Variants in FAF1 observed in about 807,000 individuals in gnomAD.
FAF1 encodes Fas associated factor 1, also known as FAS-associated factor 1.
A neutral mutation model predicts 92.5 loss-of-function variants in FAF1; 25 were observed. The ratio of observed to expected loss-of-function variants is 0.27; its 90% CI spans 0.20 to 0.38. The LOEUF (loss-of-function observed/expected upper bound fraction) is 0.38, where lower values mean the gene tolerates loss of function less well. FAF1 is among the 10% of genes least tolerant of loss of function. The pLI is 1.00. For missense variants in FAF1, 636 were observed against 793.3 expected (o/e 0.80, Z 2.38); for synonymous variants, 234 against 273.2 (o/e 0.86, Z 1.42).
intron 1 of FAF1, among the ~76,000 whole-genome samples, chr1:50,884,093 C>T (rs144558935): frequency 6.6e-6 from 1 of 152,080 alleles, no homozygotes; most frequent in Non-Finnish European, 1.5e-5. Flanking sequence ...CCACTGCACT[C>T]CAGCCTGGGC....
chr1:50,907,751 C>A (rs566533941), intron 1 of FAF1, among the ~76,000 whole-genome samples: 99 of 152,072 alleles, frequency 6.5e-4, no homozygotes, highest in Admixed American at 1.0e-3. Context: ...TTTATTGCAT[C>A]TATTTGATTC....
At chr1:50,487,547 C>T (rs1404551231) in intron 17 of FAF1, among the ~76,000 whole-genome samples, 4 of 152,068 alleles carry the variant, frequency 2.6e-5, no homozygotes, top group Non-Finnish European at 5.9e-5. Context: ...GAGATCTTTG[C>T]TGTTGTTTTT....
chr1:50,623,639 C>T (rs900215373), intron 8 of FAF1, among the ~76,000 whole-genome samples: 1 of 150,884 alleles, frequency 6.6e-6, no homozygotes, highest in Admixed American at 6.6e-5. Flanking sequence ...AAAAATTCCT[C>T]ATAAACCAGA....
At chr1:50,922,818 C>CAA (rs754253837) in intron 1 of FAF1, among the ~76,000 whole-genome samples, 221 of 56,582 alleles carry the variant, frequency 3.9e-3, no homozygotes, top group Middle Eastern at 0.012. Flanking sequence ...GAATCCACCA[C>CAA]AAAAAAAAAA....
intron 4 of FAF1, among the ~76,000 whole-genome samples, chr1:50,782,508 T>C (rs1661214324): frequency 6.6e-6 from 1 of 152,132 alleles, no homozygotes; most frequent in African/African-American, 2.4e-5. Context: ...CAATGTGTGT[T>C]CTCAGCAAGG....
chr1:50,660,546 GAGTGC>G (rs1321770664), intron 7 of FAF1, among the ~76,000 whole-genome samples: 1 of 151,428 alleles, frequency 6.6e-6, no homozygotes, highest in Non-Finnish European at 1.5e-5. Flanking sequence ...GCCCAGGCCA[GAGTGC>G]AGTAGGTTCT....
chr1:50,553,714 G>C (rs1423749603), intron 13 of FAF1, among the ~76,000 whole-genome samples: 1 of 152,030 alleles, frequency 6.6e-6, no homozygotes, highest in African/African-American at 2.4e-5. Flanking sequence ...AATTATATTT[G>C]GTAGGAAGAG....
chr1:50,785,132 C>CAA (rs748061344), intron 4 of FAF1, among the ~76,000 whole-genome samples: 2,327 of 57,290 alleles, frequency 0.041, 133 homozygotes, highest in African/African-American at 0.088. Flanking sequence ...GACCCTATCT[C>CAA]AAAAAAAAAA....
chr1:50,921,534 C>T (rs534877147), intron 1 of FAF1, among the ~76,000 whole-genome samples: 3 of 151,698 alleles, frequency 2.0e-5, no homozygotes, highest in Non-Finnish European at 4.4e-5. Flanking sequence ...AGTCAACAAG[C>T]GCAGATCATT....
Position 50,846,720 on chromosome 1 carries a change from G to A in FAF1, c.114+11209C>T, listed in dbSNP as rs559157021. The A allele has an allele frequency of 1.4e-4, 87 of 632,602 alleles. 1 individual carries two copies. The highest frequency in any genetic ancestry group is 1.0e-3 in the Middle Eastern group (3 of 2,984). 39.2% of individuals were successfully genotyped at this position (632,602 alleles called of 1,614,324 possible). A position where few individuals can be genotyped will look rare whatever the true frequency, so the allele number is the denominator to read the frequency against. ...AGCATGATGGAGCACTTCTCCAAAC[G>A]TAGATGTGATTAGACCGAATATTGT... On this transcript the variant is annotated intron_variant, in intron 2 of 18. Coordinates refer to ENST00000396153, the MANE Select transcript of FAF1 (RefSeq NM_007051.3).
chr1:50,537,134 T>A (rs914659047), intron 14 of FAF1, among the ~76,000 whole-genome samples: 1 of 152,158 alleles, frequency 6.6e-6, no homozygotes, highest in Admixed American at 6.6e-5. Flanking sequence ...GGTTTCTATG[T>A]TTTATTTAAA....
At chr1:50,716,412 A>T (rs1281194733) in intron 6 of FAF1, among the ~76,000 whole-genome samples, 1 of 152,190 alleles carries the variant, frequency 6.6e-6, no homozygotes, top group African/African-American at 2.4e-5. Context: ...AAATTAAACA[A>T]CTAGACTAGG....
At chr1:50,468,034 T>A (rs1646520875) in intron 18 of FAF1, among the ~76,000 whole-genome samples, 1 of 151,966 alleles carries the variant, frequency 6.6e-6, no homozygotes, top group African/African-American at 2.4e-5. Flanking sequence ...CATGGCAAAA[T>A]CCCATTTCTA....
intron 6 of FAF1, among the ~76,000 whole-genome samples, chr1:50,712,006 A>C (rs1409780003): frequency 6.6e-6 from 1 of 152,248 alleles, no homozygotes; most frequent in Non-Finnish European, 1.5e-5. Context: ...ACAGATGAGG[A>C]AACTGATGTT....
intron 4 of FAF1, among the ~76,000 whole-genome samples, chr1:50,762,312 C>G (rs1157622543): frequency 6.6e-6 from 1 of 152,178 alleles, no homozygotes; most frequent in African/African-American, 2.4e-5. Flanking sequence ...CTACCAATGA[C>G]TTTCTTCACA....
chr1:50,943,714 T>C (rs1345641350), intron 1 of FAF1, among the ~76,000 whole-genome samples: 1 of 65,144 alleles, frequency 1.5e-5, no homozygotes, highest in East Asian at 3.8e-4. Context: ...CATGGCCTCA[T>C]TTTAGAGAGC....
chr1:50,847,792 A>G lies in FAF1; in HGVS notation c.114+10137T>C, dbSNP rs192741615. Among the ~76,000 whole-genome samples the G allele has an allele frequency of 1.4e-3, 214 of 152,252 alleles. 2 individuals are homozygous for G. Among genetic ancestry groups the G allele is most frequent in the African/African-American group, 5.0e-3 (208 of 41,558 alleles). On this transcript the variant is annotated intron_variant, in intron 2 of 18. Transcript: ENST00000396153. ...TGTATATTATATAAATTTCTCCTCA[A>G]TAAAAAAGAAAAATATTTCAAAATC...
At chr1:50,742,662 G>C (rs1659434848) in intron 5 of FAF1, among the ~76,000 whole-genome samples, 1 of 152,190 alleles carries the variant, frequency 6.6e-6, no homozygotes, top group Non-Finnish European at 1.5e-5. Context: ...GGGATTACAA[G>C]GGTGAGCCAC....
At chr1:50,901,041 G>A (rs1644792409) in intron 1 of FAF1, among the ~76,000 whole-genome samples, 1 of 152,060 alleles carries the variant, frequency 6.6e-6, no homozygotes, top group South Asian at 2.1e-4. Flanking sequence ...ATTAAAAAAA[G>A]TAGATAGAAA....
Sources: gnomAD v4.1 joint callset for allele counts (sites outside exome capture counted in the v4.1 genomes callset) on GRCh38, gnomAD v4.1.1 for gene constraint, MANE v1.5 for transcripts, NCBI Gene and HGNC (gene_info 2026-07-23, HGNC 2026-07-21) for gene names.